Variants in AGMO observed in about 807,000 individuals in gnomAD.
The protein encoded by AGMO is glyceryl-ether monooxygenase.
A neutral mutation model predicts 60.2 loss-of-function variants in AGMO; 75 were observed. The ratio of observed to expected loss-of-function variants is 1.25; its 90% CI spans 1.03 to 1.51. AGMO has a LOEUF of 1.51. Ranked by LOEUF, AGMO falls within the 40% of genes most tolerant of loss-of-function variation. AGMO has a pLI of 0.00. For synonymous variants in AGMO, 261 were observed against 177.1 expected (o/e 1.47, Z -3.76); for missense variants, 763 against 525.5 (o/e 1.45, Z -4.42).
At chr7:15,259,328 C>T (rs1014526478) in intron 12 of AGMO, among the ~76,000 whole-genome samples, 2 of 151,674 alleles carry the variant, frequency 1.3e-5, no homozygotes, top group African/African-American at 4.8e-5. Flanking sequence ...GAAGACAAGG[C>T]TTTTGGATTA....
At chr7:15,350,686 A>G (rs1449322050) in intron 12 of AGMO, among the ~76,000 whole-genome samples, 3 of 152,182 alleles carry the variant, frequency 2.0e-5, no homozygotes, top group African/African-American at 7.2e-5. Flanking sequence ...GGCATGAGGG[A>G]TATTTTACCT....
At chr7:15,556,136 C>A (rs901159158) in intron 2 of AGMO, among the ~76,000 whole-genome samples, 1 of 151,600 alleles carries the variant, frequency 6.6e-6, no homozygotes, top group Non-Finnish European at 1.5e-5. Context: ...GTATAAAAAC[C>A]CAGTATACAA....
chr7:15,331,823 G>A (rs1397106684), intron 12 of AGMO, among the ~76,000 whole-genome samples: 1 of 152,018 alleles, frequency 6.6e-6, no homozygotes, highest in African/African-American at 2.4e-5. Flanking sequence ...CTACTCAGGA[G>A]GCTGAGGCAA....
At chr7:15,272,479 A>G (rs1179860942) in intron 12 of AGMO, among the ~76,000 whole-genome samples, 12 of 152,052 alleles carry the variant, frequency 7.9e-5, no homozygotes, top group East Asian at 5.8e-4. Flanking sequence ...TTATGGCTGC[A>G]TAGTATTCCA....
intron 10 of AGMO, among the ~76,000 whole-genome samples, chr7:15,377,293 T>C (rs1273755972): frequency 6.6e-6 from 1 of 152,124 alleles, no homozygotes; most frequent in Non-Finnish European, 1.5e-5. Flanking sequence ...GTGTCAGGAA[T>C]GAAGCTGTCT....
chr7:15,474,839 A>G (rs1782550582), intron 3 of AGMO, among the ~76,000 whole-genome samples: 1 of 149,262 alleles, frequency 6.7e-6, no homozygotes, highest in Non-Finnish European at 1.5e-5. Flanking sequence ...AAGAACTTAG[A>G]CAAATTTACA....
At chr7:15,346,528 TTAAA>T (rs767287548) in intron 12 of AGMO, among the ~76,000 whole-genome samples, 21 of 151,928 alleles carry the variant, frequency 1.4e-4, no homozygotes, top group African/African-American at 2.2e-4. Flanking sequence ...TTAATCCTTC[TTAAA>T]TAATACGATA....
intron 3 of AGMO, among the ~76,000 whole-genome samples, chr7:15,483,918 C>T (rs557893263): frequency 7.6e-4 from 116 of 152,236 alleles, no homozygotes; most frequent in African/African-American, 2.6e-3. Context: ...AATATCCATA[C>T]TTATTAAAAT....
intron 3 of AGMO, among the ~76,000 whole-genome samples, chr7:15,472,233 T>C (rs934987059): frequency 2.6e-5 from 4 of 151,946 alleles, no homozygotes; most frequent in Middle Eastern, 3.4e-3. Context: ...TCAGCGATAA[T>C]AATCACAGTG....
chr7:15,163,400 G>A, the AGMO span, among the ~76,000 whole-genome samples: 2 of 152,048 alleles, frequency 1.3e-5, no homozygotes, highest in Non-Finnish European at 2.9e-5. Flanking sequence ...TCTTGTTCCA[G>A]TTCTTAGGGG....
chr7:15,315,128 G>T (rs181884206), intron 12 of AGMO, among the ~76,000 whole-genome samples: 129 of 152,174 alleles, frequency 8.5e-4, no homozygotes, highest in African/African-American at 3.1e-3. Context: ...GAAACCTGGA[G>T]CAGAGACCAG....
intron 5 of AGMO, among the ~76,000 whole-genome samples, chr7:15,403,668 T>C (rs1028567123): frequency 3.9e-5 from 6 of 152,006 alleles, no homozygotes; most frequent in Non-Finnish European, 5.9e-5. Context: ...TTGTTCTGAA[T>C]TAGTTGATCT....
chr7:15,272,842 A>T (rs1450508902), intron 12 of AGMO, among the ~76,000 whole-genome samples: 6 of 152,056 alleles, frequency 3.9e-5, no homozygotes, highest in Non-Finnish European at 7.4e-5. Context: ...CTGGTGTGAG[A>T]TGGTATCTCA....
intron 12 of AGMO, among the ~76,000 whole-genome samples, chr7:15,336,998 G>C (rs953760913): frequency 6.6e-6 from 1 of 152,074 alleles, no homozygotes; most frequent in Admixed American, 6.6e-5. Flanking sequence ...CCCTCCCTGG[G>C]GGCACTCAAA....
chr7:15,394,682 A>G (rs1216300012), intron 5 of AGMO, among the ~76,000 whole-genome samples: 1 of 152,160 alleles, frequency 6.6e-6, no homozygotes, highest in African/African-American at 2.4e-5. Context: ...AGGAGAGTGA[A>G]AACAACTGTG....
At chr7:15,354,266 TGATA>T (rs546485548) in intron 12 of AGMO, among the ~76,000 whole-genome samples, 4 of 136,880 alleles carry the variant, frequency 2.9e-5, no homozygotes, top group Admixed American at 1.5e-4. Context: ...AATGTGTACA[TGATA>T]GATGTATATC....
At chr7:15,247,804 T>A (rs1353959565) in intron 12 of AGMO, among the ~76,000 whole-genome samples, 3 of 151,896 alleles carry the variant, frequency 2.0e-5, no homozygotes, top group Admixed American at 6.6e-5. Context: ...CACCAAACCA[T>A]ACTAGACAAT....
chr7:15,534,627 T>C (rs1426049437), intron 3 of AGMO, among the ~76,000 whole-genome samples: 1 of 151,884 alleles, frequency 6.6e-6, no homozygotes, highest in Non-Finnish European at 1.5e-5. Context: ...ATAATTCCAT[T>C]ACAATTTGAT....
the AGMO span, among the ~76,000 whole-genome samples, chr7:15,136,812 C>T: frequency 6.6e-6 from 1 of 151,952 alleles, no homozygotes; most frequent in African/African-American, 2.4e-5. Flanking sequence ...TCTTCCACTA[C>T]CTATCTCTTG....
Sources: gnomAD v4.1 joint callset for allele counts (sites outside exome capture counted in the v4.1 genomes callset) on GRCh38, gnomAD v4.1.1 for gene constraint, MANE v1.5 for transcripts, NCBI Gene and HGNC (gene_info 2026-07-23, HGNC 2026-07-21) for gene names.